Variants in SLC29A2 observed in about 807,000 individuals in gnomAD.
SLC29A2 encodes solute carrier family 29 member 2.
In SLC29A2, 37 loss-of-function variants were observed where a neutral mutation model predicts 48.8. The ratio of observed to expected loss-of-function variants is 0.76; its 90% CI spans 0.58 to 1.00. The LOEUF is 1.00. Ranked by LOEUF, SLC29A2 falls within the 50% of genes least tolerant of loss-of-function variation. SLC29A2 has a pLI of 0.00. For missense variants in SLC29A2, 533 were observed against 578.6 expected (o/e 0.92, Z 0.81); for synonymous variants, 233 against 261.7 (o/e 0.89, Z 1.06).
chr11:66,364,336 C>G lies in SLC29A2; in HGVS notation c.1148G>C (p.Arg383Thr), dbSNP rs769891492. The change falls in exon 11 of 12, where the codon AGG (arginine) becomes ACG (threonine). Residue 383 changes from arginine to threonine, a missense_variant. Coordinates refer to ENST00000357440, the MANE Select transcript of SLC29A2 (RefSeq NM_001532.3). ...TGGGAAGAGGATGGGCAGCCGGGACCTCTGGGGCACGTGGCACAGCATGAA... is the reference window on the plus strand; with the variant it reads ...TGGGAAGAGGATGGGCAGCCGGGACGTCTGGGGCACGTGGCACAGCATGAA... ...PLFMLCHVPQ[R>T]SRLPILFPQD... The G allele has an allele frequency of 6.5e-5, 105 of 1,613,858 alleles. No individual in the cohort carries two copies. The highest frequency in any genetic ancestry group is 1.0e-4 in the Admixed American group (6 of 59,978).
At chr11:66,369,786 AG>A (rs1855928705) in intron 2 of SLC29A2, among the ~76,000 whole-genome samples, 1 of 152,130 alleles carries the variant, frequency 6.6e-6, no homozygotes, top group African/African-American at 2.4e-5. Flanking sequence ...CCTCCTCTTC[AG>A]TGCCCTGGTT....
rs759250394 is a variant in SLC29A2 at position 66,365,974 on chromosome 11, C to A, written c.1021G>T (p.Asp341Tyr). 6.2e-7 allele frequency: 1 copy of A among 1,614,178 alleles called. No individual in the cohort carries two copies. The highest frequency in any genetic ancestry group is 8.5e-7 in the Non-Finnish European group (1 of 1,180,016). ...GAGGTCAGGCTCCGTCCCAGCCAGT[C>A]CATGATGTTGAAGAGGAGGAAGCAG... ...ICCFLLFNIM[D>Y]WLGRSLTSYF... The change falls in exon 10 of 12, where the codon GAC (aspartate) becomes TAC (tyrosine). Residue 341 changes from aspartate (D) to tyrosine (Y), a missense_variant. By Grantham distance (160) the Asp-to-Tyr change is radical (BLOSUM62 -3). Coordinates refer to ENST00000357440, the MANE Select transcript of SLC29A2 (RefSeq NM_001532.3).
At position 66,367,768 on chromosome 11, in the gene SLC29A2, T is replaced by C; in HGVS notation, c.648+4A>G. On this transcript the variant is annotated splice_donor_region_variant and intron_variant, in intron 6 of 11. Transcript: ENST00000357440. ...TGGGGCCTCGAGCCCAACAGCAGGCTCACCAGGTGAGGCAGGCTCAGGTAA... is the reference window on the plus strand; with the variant it reads ...TGGGGCCTCGAGCCCAACAGCAGGCCCACCAGGTGAGGCAGGCTCAGGTAA... 1 of 1,613,674 alleles carries C rather than the reference T, an allele frequency of 6.2e-7. No individual in the cohort carries two copies. Among genetic ancestry groups the C allele is most frequent in the East Asian group, 2.2e-5 (1 of 44,876 alleles).
At position 66,369,525 on chromosome 11, in the gene SLC29A2, T is replaced by C. The variant is rs1855912866; in HGVS notation, c.119A>G (p.Gln40Arg). ...GTTGCCGGCCCCGGCCAGTCGCGCC[T>C]GGAAGTACTGCCAGGTGGGGAGGTG... is the stretch of plus-strand genomic sequence containing the variant. ...NFFITAIPYF[Q>R]ARLAGAGNST... Residue 40 changes from glutamine to arginine, a missense_variant, in exon 3 of 12, where the codon CAG (glutamine) becomes CGG (arginine). By Grantham distance (43) the Gln-to-Arg change is conservative. Transcript: ENST00000357440. 1.2e-6 allele frequency: 2 copies of C among 1,613,688 alleles called. No individual in the cohort carries two copies. Among genetic ancestry groups the C allele is most frequent in the African/African-American group, 2.7e-5 (2 of 74,896 alleles).
Position 66,371,684 on chromosome 11 carries a change from G to A in SLC29A2, c.-93C>T, listed in dbSNP as rs1161022809. On this transcript the variant is annotated 5_prime_UTR_variant, in exon 1 of 12. Coordinates refer to ENST00000357440, the MANE Select transcript of SLC29A2 (RefSeq NM_001532.3). The stretch of plus-strand genomic sequence containing the variant: ...GGAGGGCCGCAGACCGGTGGGGCGG[G>A]GGGCGGGTCTCCCCAGATTCCGGTG... 3.1e-6 allele frequency: 4 copies of A among 1,304,862 alleles called. No homozygotes were observed. Among genetic ancestry groups the A allele is most frequent in the Non-Finnish European group, 1.1e-6 (1 of 950,674 alleles). The allele number at this position is 1,304,862 out of a possible 1,614,324, so 80.8% of individuals were successfully genotyped here.
In SLC29A2 at chr11:66,364,402, A is replaced by G. The variant is rs565650357; in HGVS notation, c.1082T>C (p.Leu361Pro). The G allele has an allele frequency of 9.9e-6, 16 of 1,613,052 alleles. No homozygotes were observed. The highest frequency in any genetic ancestry group is 1.3e-5 in the African/African-American group (1 of 75,010). Reference sequence around the variant, plus strand: ...GAACCGCAGGCAGACCAGCAGGGGCAGCAGCCGGCTGTCCTCGTCTGGCTG... The same window carrying G: ...GAACCGCAGGCAGACCAGCAGGGGCGGCAGCCGGCTGTCCTCGTCTGGCTG... ...FLWPDEDSRL[L>P]PLLVCLRFLF... is the part of the protein sequence containing the mutation. Residue 361 changes from leucine to proline, a missense_variant, in exon 11 of 12, where the codon CTG (leucine) becomes CCG (proline). Physicochemically the swap from Leu to Pro is moderately conservative, Grantham distance 98 (BLOSUM62 -3). Coordinates refer to ENST00000357440, the MANE Select transcript of SLC29A2 (RefSeq NM_001532.3).
In SLC29A2 at chr11:66,368,770, G is replaced by C. The variant is rs984492336; in HGVS notation, c.416-99C>G. 4.7e-6 allele frequency: 7 copies of C among 1,494,180 alleles called. No individual in the cohort carries two copies. In the East Asian group the frequency reaches 1.2e-4, roughly 26 times the overall value. The allele number at this position is 1,494,180 out of a possible 1,614,324, so 92.6% of individuals were successfully genotyped here. ...GGATACACAGGGGACTCTGGACAAG[G>C]TTGCGCAGGTGTGAGCTTCCCTAGG... On this transcript the variant is annotated intron_variant, in intron 4 of 11. Transcript: ENST00000357440.
chr11:66,364,827 T>TG (rs1221270383), intron 10 of SLC29A2: 3 of 77,380 alleles, frequency 3.9e-5, no homozygotes, highest in Non-Finnish European at 5.7e-5. Flanking sequence ...TCATTAAAAA[T>TG]TTGTGTGTGT....
intron 2 of SLC29A2, among the ~76,000 whole-genome samples, chr11:66,370,467 C>A (rs2135015163): frequency 6.6e-6 from 1 of 152,334 alleles, no homozygotes; most frequent in Admixed American, 6.5e-5. Flanking sequence ...GTCCCAAAGA[C>A]AATGCAAACC....
chr11:66,369,644 TTGTTC>T, intron 2 of SLC29A2, 112 bp from the exon 3 acceptor site: 1 of 1,285,742 alleles, frequency 7.8e-7, no homozygotes, highest in Non-Finnish European at 1.1e-6. Context: ...TGCCTTGTCC[TTGTTC>T]TGTTCCCAGC....
At chr11:66,372,386 C>G (rs1217930521), upstream of SLC29A2, among the ~76,000 whole-genome samples, 1 of 152,216 alleles carries the variant, frequency 6.6e-6, no homozygotes, top group Non-Finnish European at 1.5e-5. Flanking sequence ...GGTGTGGGTT[C>G]TCTGCAATCC....
Position 66,364,332 on chromosome 11 carries a change from G to T in SLC29A2, c.1152C>A (p.Ser384=), listed in dbSNP as rs1409493683. 3 of 1,613,916 alleles carry T rather than the reference G, an allele frequency of 1.9e-6. No homozygotes were observed. The South Asian group carries it at 3.3e-5, about 18-fold the overall frequency. Residue 384 remains serine, a synonymous_variant, in exon 11 of 12, where the codon TCC becomes TCA. Coordinates refer to ENST00000357440, the MANE Select transcript of SLC29A2 (RefSeq NM_001532.3). ...CCTGTGGGAAGAGGATGGGCAGCCGGGACCTCTGGGGCACGTGGCACAGCA... is the reference window on the plus strand; with the variant it reads ...CCTGTGGGAAGAGGATGGGCAGCCGTGACCTCTGGGGCACGTGGCACAGCA... ...LFMLCHVPQR[S]RLPILFPQDA... is the part of the protein sequence containing the mutation.
At position 66,363,484 on chromosome 11, in the gene SLC29A2, T is replaced by C. The variant is rs531730384; in HGVS notation, c.1323A>G (p.Gly441=). The C allele has an allele frequency of 4.0e-5, 64 of 1,614,060 alleles. 1 individual carries two copies. The South Asian group carries it at 6.0e-4, about 15-fold the overall frequency. Residue 441 remains glycine, a synonymous_variant, in exon 12 of 12, where the codon GGA becomes GGG. Coordinates refer to ENST00000357440, the MANE Select transcript of SLC29A2 (RefSeq NM_001532.3). The part of the protein sequence containing the change: ...GALMTFFLAL[G]LSCGASLSFL... Reference sequence around the variant, plus strand: ...AGGAGAGGGAGGCTCCACAGGAAAGTCCCAGGGCCAGGAAGAAGGTCATGA... The same window carrying C: ...AGGAGAGGGAGGCTCCACAGGAAAGCCCCAGGGCCAGGAAGAAGGTCATGA...
intron 3 of SLC29A2, 49 bp from the exon 4 acceptor site, chr11:66,369,248 G>A: frequency 6.3e-7 from 1 of 1,583,088 alleles, no homozygotes; most frequent in Non-Finnish European, 8.6e-7. Context: ...GCCAGAGGGG[G>A]CTGGGGAAGG....
At chr11:66,366,640 T>G in intron 7 of SLC29A2, 76 bp from the exon 8 acceptor site, 2 of 1,523,852 alleles carry the variant, frequency 1.3e-6, no homozygotes, top group Non-Finnish European at 1.8e-6. Flanking sequence ...CGAAGGGAGA[T>G]TCCCAGCAGT....
intron 8 of SLC29A2, 78 bp from the exon 9 acceptor site, chr11:66,366,309 G>A (rs1855690104): frequency 1.9e-6 from 3 of 1,593,410 alleles, no homozygotes; most frequent in Non-Finnish European, 2.6e-6. Flanking sequence ...CCATGTGGGA[G>A]CAGGACACTT....
At chr11:66,371,451 G>A (rs1856035878) in intron 1 of SLC29A2, 112 bp downstream of exon 1, 2 of 1,499,562 alleles carry the variant, frequency 1.3e-6, no homozygotes, top group Admixed American at 1.9e-5. Flanking sequence ...GGCCGAGGGA[G>A]TCGGCTGATG....
Position 66,369,075 on chromosome 11 carries a change from C to A in SLC29A2, c.400G>T (p.Val134Phe). Residue 134 changes from valine (V) to phenylalanine (F), a missense_variant, in exon 4 of 12, where the codon GTC (valine) becomes TTC (phenylalanine). Transcript: ENST00000357440. ...GPFFSITMAS[V>F]CFINSFSAVL... ...AGGTGCTCACAGTTGATGAAGCAGA[C>A]GGAGGCCATGGTGATGGAGAAGAAG... is the stretch of plus-strand genomic sequence containing the variant. 1.2e-6 allele frequency: 2 copies of A among 1,600,754 alleles called. No homozygotes were observed. The highest frequency in any genetic ancestry group is 1.7e-6 in the Non-Finnish European group (2 of 1,173,878).
chr11:66,367,252 C>T (rs1855750844), intron 7 of SLC29A2, among the ~76,000 whole-genome samples: 1 of 152,308 alleles, frequency 6.6e-6, no homozygotes, highest in Non-Finnish European at 1.5e-5. Flanking sequence ...CATGGAACCT[C>T]TGTCGCCTCC....
Sources: gnomAD v4.1 joint callset for allele counts (sites outside exome capture counted in the v4.1 genomes callset) on GRCh38, gnomAD v4.1.1 for gene constraint, MANE v1.5 for transcripts, NCBI Gene and HGNC (gene_info 2026-07-23, HGNC 2026-07-21) for gene names.